Variants in DLG2 observed in about 807,000 individuals in gnomAD.
DLG2 encodes the protein discs large MAGUK scaffold protein 2, also known as disks large homolog 2.
DLG2 carries 45 observed loss-of-function variants against 132.5 expected under a neutral mutation model. The observed-to-expected ratio is 0.34, with a 90% CI of 0.27 to 0.44. The LOEUF is 0.44. Ranked by LOEUF, DLG2 falls within the 20% of genes least tolerant of loss-of-function variation. The pLI, the probability that DLG2 is intolerant of heterozygous loss-of-function variation, is 1.00. For missense variants in DLG2, 1,045 were observed against 1,196.9 expected (o/e 0.87, Z 1.87); for synonymous variants, 424 against 419.6 (o/e 1.01, Z -0.13).
chr11:85,544,975 G>A (rs1205937047), intron 3 of DLG2, among the ~76,000 whole-genome samples: 3 of 151,378 alleles, frequency 2.0e-5, no homozygotes, highest in East Asian at 1.9e-4. Context: ...ATTGAATACC[G>A]TTTATTTCTT....
intron 3 of DLG2, among the ~76,000 whole-genome samples, chr11:85,496,051 G>A (rs56256184): frequency 0.029 from 4,456 of 152,264 alleles, 92 homozygotes; most frequent in Non-Finnish European, 0.046. Flanking sequence ...GGACTGGTTG[G>A]ACAGTGGGTG....
chr11:84,610,516 T>C (rs1264987576), intron 6 of DLG2, among the ~76,000 whole-genome samples: 1 of 152,174 alleles, frequency 6.6e-6, no homozygotes, highest in East Asian at 1.9e-4. Flanking sequence ...GGTGGATTGG[T>C]AGGTCCTATC....
intron 15 of DLG2, among the ~76,000 whole-genome samples, chr11:83,921,377 C>G (rs891797174): frequency 6.6e-6 from 1 of 152,088 alleles, no homozygotes; most frequent in South Asian, 2.1e-4. Flanking sequence ...TTCTGATGAC[C>G]TCATTTGCAA....
At chr11:84,595,764 A>C (rs906156799) in intron 6 of DLG2, among the ~76,000 whole-genome samples, 3 of 152,226 alleles carry the variant, frequency 2.0e-5, no homozygotes, top group African/African-American at 7.2e-5. Flanking sequence ...TAAAAGAAGA[A>C]ATATCACAAA....
At chr11:84,917,744 G>A (rs2092555358) in intron 6 of DLG2, among the ~76,000 whole-genome samples, 1 of 152,006 alleles carries the variant, frequency 6.6e-6, no homozygotes, top group African/African-American at 2.4e-5. Context: ...TGAGTTAATG[G>A]GCTTTGTTAG....
chr11:84,212,258 C>T (rs1309390764), intron 8 of DLG2, among the ~76,000 whole-genome samples: 1 of 152,168 alleles, frequency 6.6e-6, no homozygotes, highest in Non-Finnish European at 1.5e-5. Flanking sequence ...GATACCAGAG[C>T]ATATTCCTTA....
At chr11:84,237,133 T>C (rs187593961) in intron 8 of DLG2, among the ~76,000 whole-genome samples, 172 of 152,204 alleles carry the variant, frequency 1.1e-3, no homozygotes, top group Non-Finnish European at 1.8e-3. Flanking sequence ...TTTCACTGTG[T>C]TGTCCACGAT....
intron 3 of DLG2, among the ~76,000 whole-genome samples, chr11:85,412,750 CACACACACACATAT>C (rs1228555025): frequency 1.4e-5 from 2 of 139,352 alleles, no homozygotes; most frequent in Non-Finnish European, 3.1e-5. Context: ...CACACACACA[CACACACACACATAT>C]ATATATATAT....
intron 6 of DLG2, among the ~76,000 whole-genome samples, chr11:85,060,866 T>G (rs2064040891): frequency 6.6e-6 from 1 of 151,602 alleles, no homozygotes; most frequent in African/African-American, 2.4e-5. Flanking sequence ...TTTCTTTTTT[T>G]GTTGTTTTTT....
intron 6 of DLG2, among the ~76,000 whole-genome samples, chr11:84,866,003 T>A (rs188213884): frequency 8.0e-4 from 122 of 152,286 alleles, no homozygotes; most frequent in African/African-American, 2.6e-3. Context: ...GCAAGAAATA[T>A]GCTAAGCAGT....
intron 4 of DLG2, among the ~76,000 whole-genome samples, chr11:85,237,089 C>T (rs1030843373): frequency 6.6e-6 from 1 of 152,044 alleles, no homozygotes; most frequent in Non-Finnish European, 1.5e-5. Flanking sequence ...AATGACACTG[C>T]CCAGCCAGCA....
At chr11:85,477,755 G>C (rs955333668) in intron 3 of DLG2, among the ~76,000 whole-genome samples, 1 of 152,088 alleles carries the variant, frequency 6.6e-6, no homozygotes, top group African/African-American at 2.4e-5. Context: ...AGAGTAACAT[G>C]GAAGATATTT....
At chr11:84,141,670 A>G (rs1457992711) in intron 9 of DLG2, among the ~76,000 whole-genome samples, 1 of 152,142 alleles carries the variant, frequency 6.6e-6, no homozygotes, top group Non-Finnish European at 1.5e-5. Flanking sequence ...TTAACATTCT[A>G]TTAGTGGCTG....
rs1173802844 is a variant in DLG2, at chr11:84,366,876, C to A, written c.520-115585G>T. 8.6e-4 allele frequency among the ~76,000 whole-genome samples: 131 copies of A among 152,162 alleles called. 1 individual carries two copies. Among genetic ancestry groups the A allele is most frequent in the Non-Finnish European group, 1.2e-4 (8 of 67,972 alleles). On this transcript the variant is annotated intron_variant, in intron 7 of 27. Transcript: ENST00000376104. ...ACATTAATAATGGGAGACTTTAACACCCCACTGTCAACATTAGACAGATCA... is the reference window on the plus strand; with the variant it reads ...ACATTAATAATGGGAGACTTTAACAACCCACTGTCAACATTAGACAGATCA...
At chr11:85,611,357 C>T (rs1212324635) in intron 2 of DLG2, among the ~76,000 whole-genome samples, 1 of 152,206 alleles carries the variant, frequency 6.6e-6, no homozygotes, top group Non-Finnish European at 1.5e-5. Context: ...CCAGGCACTA[C>T]TCCTTGAAGG....
chr11:84,022,489 A>G (rs1444182288), intron 11 of DLG2, among the ~76,000 whole-genome samples: 1 of 152,204 alleles, frequency 6.6e-6, no homozygotes, highest in Non-Finnish European at 1.5e-5. Context: ...GCTCTCTTCT[A>G]TAGAAACAAA....
At chr11:85,276,068 G>A (rs575908296) in intron 4 of DLG2, among the ~76,000 whole-genome samples, 1 of 152,284 alleles carries the variant, frequency 6.6e-6, no homozygotes, top group African/African-American at 2.4e-5. Flanking sequence ...AGGCAACAAT[G>A]TGTCAAGCTT....
intron 11 of DLG2, among the ~76,000 whole-genome samples, chr11:84,053,200 T>G (rs34555244): frequency 0.64 from 97,892 of 151,896 alleles, 34,000 homozygotes; most frequent in Non-Finnish European, 0.79. Context: ...CACTTACAAG[T>G]GGCAGCTGAG....
intron 6 of DLG2, among the ~76,000 whole-genome samples, chr11:84,677,516 T>C (rs2099716180): frequency 6.6e-6 from 1 of 152,054 alleles, no homozygotes; most frequent in African/African-American, 2.4e-5. Flanking sequence ...TCCTTCCTTA[T>C]AAGAATAGCC....
Sources: allele counts gnomAD v4.1 joint callset (sites outside exome capture counted in the v4.1 genomes callset), GRCh38; gene constraint gnomAD v4.1.1; transcripts MANE v1.5; gene names NCBI Gene and HGNC (gene_info 2026-07-23, HGNC 2026-07-21).